ALG12: variants seen among roughly 807,000 people sequenced by gnomAD.
The protein encoded by ALG12 is dol-P-Man:Man(7)GlcNAc(2)-PP-Dol alpha-1,6-mannosyltransferase.
Under a neutral mutation model 46.0 loss-of-function variants are expected in ALG12, and 36 were observed. The ratio of observed to expected loss-of-function variants is 0.78; its 90% confidence interval spans 0.60 to 1.03. ALG12 has a LOEUF of 1.03. Among genes scored for constraint, ALG12 ranks in the 50% least tolerant of loss-of-function variants. The probability of loss-of-function intolerance (pLI) is 0.00; values close to 1 mark genes in which losing one functional copy is unlikely to be tolerated. For missense variants in ALG12, 599 were observed against 633.5 expected (o/e 0.95, Z 0.58); for synonymous variants, 326 against 291.6 (o/e 1.12, Z -1.20).
Position 49,903,502 on chromosome 22 carries a change from A to G in ALG12, c.*336T>C, listed in dbSNP as rs1449546931. 2 of 512,324 alleles carry G rather than the reference A, an allele frequency of 3.9e-6. No homozygotes were observed. Among genetic ancestry groups the G allele is most frequent in the Admixed American group, 4.5e-5 (2 of 44,056 alleles). The allele number at this position is 512,324 out of a possible 1,614,324, so 31.7% of individuals were successfully genotyped here. ...GGACACACGTGGCCTCCTGGCAGACAGGTGCCTGGGTGAGCCCGCTGCTCC... is the reference window on the plus strand; with the variant it reads ...GGACACACGTGGCCTCCTGGCAGACGGGTGCCTGGGTGAGCCCGCTGCTCC... On this transcript the variant is annotated 3_prime_UTR_variant, in exon 10 of 10. Transcript: ENST00000330817.
At chr22:49,884,451 C>T in the ALG12 span, 38 of 1,614,092 alleles carry the variant, frequency 2.4e-5, no homozygotes, top group African/African-American at 8.0e-5. Flanking sequence ...CTCTCCATTA[C>T]GATGAACCTG....
Position 49,905,309 on chromosome 22 carries a change from C to T in ALG12, c.993-803G>A, listed in dbSNP as rs1434918099. On this transcript the variant is annotated intron_variant, in intron 7 of 9. Coordinates refer to ENST00000330817, the MANE Select transcript of ALG12 (RefSeq NM_024105.4). This position sits in a 1 kb window ranked among gnomAD's most constrained non-coding sequence, Gnocchi z 4.9. ...AAACGCCCTGAACCCCCGATCAAGA[C>T]TCACTCTCTTCCAAACCCACCAGGC... is the stretch of plus-strand genomic sequence containing the variant. Among the ~76,000 whole-genome samples, 4 of 152,194 alleles carry T rather than the reference C, an allele frequency of 2.6e-5. No individual in the cohort carries two copies. Among genetic ancestry groups the T allele is most frequent in the East Asian group, 3.9e-4 (2 of 5,194 alleles).
At chr22:49,897,347 G>T (rs1393286027), downstream of ALG12, among the ~76,000 whole-genome samples, 3 of 152,304 alleles carry the variant, frequency 2.0e-5, no homozygotes, top group Middle Eastern at 0.01. Context: ...ATACTGAGGA[G>T]CTTGATTGCT....
At chr22:49,872,301 G>C in the ALG12 span, among the ~76,000 whole-genome samples, 15 of 152,258 alleles carry the variant, frequency 9.9e-5, no homozygotes, top group South Asian at 2.3e-3. Context: ...TCATCCCTAA[G>C]CAGCAGCTCC....
the ALG12 span, among the ~76,000 whole-genome samples, chr22:49,881,289 C>T: frequency 6.6e-6 from 1 of 152,242 alleles, no homozygotes; most frequent in East Asian, 1.9e-4. Flanking sequence ...GCGGAGGTTG[C>T]GGTGAACTGA....
chr22:49,862,091 A>C, the ALG12 span, among the ~76,000 whole-genome samples: 1 of 152,284 alleles, frequency 6.6e-6, no homozygotes, highest in South Asian at 2.1e-4. Context: ...CTTCAATCTG[A>C]ATGTGAAAAA....
At chr22:49,888,109 G>GT in the ALG12 span, 3 of 167,216 alleles carry the variant, frequency 1.8e-5, no homozygotes, top group African/African-American at 7.2e-5. Flanking sequence ...TATTCCAGTT[G>GT]TAAGAATAGC....
the ALG12 span, among the ~76,000 whole-genome samples, chr22:49,876,098 ATAT>A: frequency 5.3e-5 from 8 of 151,962 alleles, no homozygotes; most frequent in Non-Finnish European, 1.2e-4. Flanking sequence ...ATTTTTTCAG[ATAT>A]TATTGTATTG....
chr22:49,877,374 C>G, the ALG12 span, among the ~76,000 whole-genome samples: 1 of 152,070 alleles, frequency 6.6e-6, no homozygotes, highest in Non-Finnish European at 1.5e-5. Context: ...TCACTGCAAC[C>G]TCCGCCTCCC....
chr22:49,904,682 A>G (rs1332856065), intron 7 of ALG12, 176 bp from the exon 8 acceptor site: 6 of 678,722 alleles, frequency 8.8e-6, no homozygotes, highest in African/African-American at 1.8e-5. Flanking sequence ...ATACTGCCTC[A>G]AGAATTGTCT....
At chr22:49,916,340 T>G (rs1219319493) in intron 1 of ALG12, among the ~76,000 whole-genome samples, 3 of 152,088 alleles carry the variant, frequency 2.0e-5, no homozygotes, top group Non-Finnish European at 2.9e-5. Flanking sequence ...CCCAGCACTT[T>G]GGGAGGCTGA....
chr22:49,884,905 T>A, the ALG12 span: 1 of 1,602,690 alleles, frequency 6.2e-7, no homozygotes. Context: ...GGCGGCCTTC[T>A]CATCTTCCGA....
At chr22:49,868,174 TTTG>T in the ALG12 span, among the ~76,000 whole-genome samples, 12 of 152,388 alleles carry the variant, frequency 7.9e-5, no homozygotes, top group African/African-American at 1.9e-4. Flanking sequence ...AGTCTTCTTT[TTTG>T]TTGTTGTTGA....
the ALG12 span, among the ~76,000 whole-genome samples, chr22:49,868,401 G>C: frequency 6.6e-6 from 1 of 152,130 alleles, no homozygotes; most frequent in African/African-American, 2.4e-5. Context: ...GCAACATGGT[G>C]AAACCCCATC....
At position 49,910,749 on chromosome 22, in the gene ALG12, A is replaced by G. The variant is rs1336065794; in HGVS notation, c.296-142T>C. The G allele has an allele frequency of 3.0e-6, 3 of 987,608 alleles. No individual in the cohort carries two copies. In the African/African-American group the frequency reaches 4.8e-5, roughly 16 times the overall value. The allele number at this position is 987,608 out of a possible 1,614,324, so 61.2% of individuals were successfully genotyped here. On this transcript the variant is annotated intron_variant, in intron 3 of 9. Transcript: ENST00000330817. ...GCCAGCTGACGGCTACGTCAGGCAA[A>G]GCAGCCTTGAGGGCATCGTCTCCAT...
At chr22:49,895,117 CTA>C in the ALG12 span, among the ~76,000 whole-genome samples, 1 of 151,736 alleles carries the variant, frequency 6.6e-6, no homozygotes, top group African/African-American at 2.4e-5. Context: ...GCCCATCTTT[CTA>C]TGTTAGTAAA....
downstream of ALG12, among the ~76,000 whole-genome samples, chr22:49,897,585 G>T (rs1601812780): frequency 6.6e-6 from 1 of 151,770 alleles, no homozygotes; most frequent in Admixed American, 6.6e-5. Context: ...ATAATGAGGA[G>T]CATTTTTGTA....
At chr22:49,861,537 G>T in the ALG12 span, among the ~76,000 whole-genome samples, 1 of 152,068 alleles carries the variant, frequency 6.6e-6, no homozygotes, top group Non-Finnish European at 1.5e-5. Context: ...GGGCTCAAGT[G>T]ATTTTCTCAC....
the ALG12 span, chr22:49,884,721 C>T: frequency 1.7e-5 from 27 of 1,594,674 alleles, no homozygotes; most frequent in Non-Finnish European, 2.2e-5. Context: ...CACTGTACTC[C>T]ACCCCTCCCA....
Sources: gnomAD v4.1 joint callset for allele counts (sites outside exome capture counted in the v4.1 genomes callset) on GRCh38, gnomAD v4.1.1 for gene constraint, Gnocchi (gnomAD v3.1) non-coding constraint, MANE v1.5 for transcripts, NCBI Gene and HGNC (gene_info 2026-07-23, HGNC 2026-07-21) for gene names.